KCTD10: variants seen among roughly 807,000 people sequenced by gnomAD.
The protein encoded by KCTD10 is potassium channel tetramerization domain containing 10.
In KCTD10, 13 loss-of-function variants were observed where a neutral mutation model predicts 34.6. The observed-to-expected ratio is 0.38, with a 90% CI of 0.24 to 0.60. The LOEUF (loss-of-function observed/expected upper bound fraction) is 0.60. Among genes scored for constraint, KCTD10 ranks in the 20% least tolerant of loss-of-function variants. The pLI is 0.66. For missense variants in KCTD10, 256 were observed against 420.3 expected (o/e 0.61, Z 3.42); for synonymous variants, 156 against 168.8 (o/e 0.92, Z 0.59).
chr12:109,456,399 G>A, intron 5 of KCTD10, 86 bp from the exon 6 acceptor site: 2 of 1,177,394 alleles, frequency 1.7e-6, no homozygotes, highest in African/African-American at 1.5e-5. Context: ...GGGCCCTACT[G>A]AGCCCACTTT....
Position 109,460,152 on chromosome 12 carries a change from T to C in KCTD10, c.387+484A>G, listed in dbSNP as rs1177639397. 1.3e-5 allele frequency among the ~76,000 whole-genome samples: 2 copies of C among 152,078 alleles called. No homozygotes were observed. The highest frequency in any genetic ancestry group is 2.4e-5 in the African/African-American group (1 of 41,422). ...GATGCTCTGCCACGTTGCAACTTTGTTTGAAATAAAGGGGTGTTGGCCATG... is the reference window on the plus strand; with the variant it reads ...GATGCTCTGCCACGTTGCAACTTTGCTTGAAATAAAGGGGTGTTGGCCATG... On this transcript the variant is annotated intron_variant, in intron 3 of 6. Transcript: ENST00000228495. This position sits in a 1 kb window ranked among gnomAD's most constrained non-coding sequence, Gnocchi z 4.5.
rs71683895 is a variant in KCTD10 at position 109,451,088 on chromosome 12, AAC to A, written c.*505_*506del. 9,945 of 153,276 alleles carry A rather than the reference AAC, an allele frequency of 0.065. 347 individuals are homozygous for A. The highest frequency in any genetic ancestry group is 0.1 in the South Asian group (509 of 4,854). The allele number at this position is 153,276 out of a possible 1,614,324, so 9.5% of individuals were successfully genotyped here. ...AGCAGTGGGGATTGTGCCCGGGCCA[AAC>A]ACACAGGAACCAGGAGTGGACCTGC... On this transcript the variant is annotated 3_prime_UTR_variant, in exon 7 of 7. Transcript: ENST00000228495. This position sits in a 1 kb window ranked among gnomAD's most constrained non-coding sequence, Gnocchi z 5.0.
chr12:109,462,095 C>CATCTTT (rs1186251783), intron 2 of KCTD10, among the ~76,000 whole-genome samples: 1 of 152,364 alleles, frequency 6.6e-6, no homozygotes, highest in East Asian at 1.9e-4. Flanking sequence ...GCAGCAAACG[C>CATCTTT]ATCTTTTTCA....
chr12:109,477,212 T>A (rs1408306260), intron 1 of KCTD10, 48 bp downstream of exon 1: 1 of 1,609,554 alleles, frequency 6.2e-7, no homozygotes, highest in Middle Eastern at 1.6e-4. Context: ...GCTGCCCAGC[T>A]CCCTCGGCCG....
chr12:109,453,361 T>A (rs565961030), intron 6 of KCTD10, among the ~76,000 whole-genome samples: 28 of 152,116 alleles, frequency 1.8e-4, no homozygotes, highest in African/African-American at 3.4e-4. Flanking sequence ...AGCTATTTTT[T>A]AAAAAATTTT....
At chr12:109,458,225 G>A (rs1370831945) in intron 3 of KCTD10, 147 bp from the exon 4 acceptor site, 2 of 625,342 alleles carry the variant, frequency 3.2e-6, no homozygotes, top group East Asian at 2.8e-5. Flanking sequence ...TGAACTAGAT[G>A]GGGGAAGACA....
intron 2 of KCTD10, chr12:109,464,744 G>A (rs1385406085): frequency 2.3e-6 from 1 of 438,390 alleles, no homozygotes; most frequent in Non-Finnish European, 4.6e-6. Flanking sequence ...CAGACATTAG[G>A]AAATACTGAA....
At chr12:109,470,198 C>G (rs1388639982) in intron 1 of KCTD10, 1 of 987,870 alleles carries the variant, frequency 1.0e-6, no homozygotes, top group East Asian at 1.1e-4. Flanking sequence ...TGCCATGTAC[C>G]ACTCAATAGC....
intron 1 of KCTD10, among the ~76,000 whole-genome samples, chr12:109,473,290 G>A (rs1300391412): frequency 1.3e-5 from 2 of 152,098 alleles, no homozygotes; most frequent in East Asian, 1.9e-4. Flanking sequence ...AAATAGTCGC[G>A]AGGTAAAGTG....
At chr12:109,466,677 C>T (rs1198262734) in intron 2 of KCTD10, among the ~76,000 whole-genome samples, 1 of 152,244 alleles carries the variant, frequency 6.6e-6, no homozygotes, top group African/African-American at 2.4e-5. Context: ...TCCCCCCATG[C>T]TGGATGCCAG....
At chr12:109,456,899 C>G (rs1873047149) in intron 5 of KCTD10, 1 of 157,110 alleles carries the variant, frequency 6.4e-6, no homozygotes, top group Non-Finnish European at 1.4e-5. Flanking sequence ...TACCACATGA[C>G]CCAGCAATTC....
At chr12:109,468,766 C>T (rs1236086081) in intron 2 of KCTD10, among the ~76,000 whole-genome samples, 1 of 151,436 alleles carries the variant, frequency 6.6e-6, no homozygotes, top group Non-Finnish European at 1.5e-5. Flanking sequence ...CATTCTCCTG[C>T]CTCAGCCTCC....
intron 1 of KCTD10, among the ~76,000 whole-genome samples, chr12:109,474,332 G>A (rs1874042031): frequency 6.6e-6 from 1 of 152,190 alleles, no homozygotes; most frequent in African/African-American, 2.4e-5. Flanking sequence ...GAATACTTGA[G>A]ATACTGGCTA....
At chr12:109,472,572 C>A (rs777876976) in intron 1 of KCTD10, among the ~76,000 whole-genome samples, 4 of 151,850 alleles carry the variant, frequency 2.6e-5, no homozygotes, top group Non-Finnish European at 5.9e-5. Context: ...AATACATTAA[C>A]CAGTGATATA....
chr12:109,467,414 G>A (rs904324314), intron 2 of KCTD10, among the ~76,000 whole-genome samples: 17 of 152,166 alleles, frequency 1.1e-4, no homozygotes, highest in African/African-American at 3.9e-4. Flanking sequence ...GAGCCCAGGA[G>A]TTCGAGGCCA....
At position 109,450,096 on chromosome 12, in the gene KCTD10, G is replaced by A. The variant is rs1872690099; in HGVS notation, c.*1499C>T. 2 of 395,870 alleles carry A rather than the reference G, an allele frequency of 5.1e-6. No homozygotes were observed. The highest frequency in any genetic ancestry group is 4.4e-6 in the Non-Finnish European group (1 of 224,868). 24.5% of individuals were successfully genotyped at this position (395,870 alleles called of 1,614,324 possible). A position where few individuals can be genotyped will look rare whatever the true frequency, so the allele number is the denominator to read the frequency against. ...AAAAACCGTTTGAAAATATAAACTCGTTTTTGGAATACATGTGTCAAAGGC... is the reference window on the plus strand; with the variant it reads ...AAAAACCGTTTGAAAATATAAACTCATTTTTGGAATACATGTGTCAAAGGC... On this transcript the variant is annotated 3_prime_UTR_variant, in exon 7 of 7. Transcript: ENST00000228495.
intron 2 of KCTD10, among the ~76,000 whole-genome samples, chr12:109,463,577 C>A (rs1199633833): frequency 6.6e-6 from 1 of 152,190 alleles, no homozygotes; most frequent in Non-Finnish European, 1.5e-5. Flanking sequence ...AAAGTCAGGG[C>A]AGCCTGGGAT....
Position 109,449,658 on chromosome 12 carries a change from A to C in KCTD10, c.*1937T>G, listed in dbSNP as rs1872662089. Reference sequence around the variant, plus strand: ...GCAGAATCGCTTGAACCCAGGAGGCACAAGTTGTGGTAAGTGGAGATGGTG... The same window carrying C: ...GCAGAATCGCTTGAACCCAGGAGGCCCAAGTTGTGGTAAGTGGAGATGGTG... On this transcript the variant is annotated 3_prime_UTR_variant, in exon 7 of 7. Coordinates refer to ENST00000228495, the MANE Select transcript of KCTD10 (RefSeq NM_031954.5). 6.6e-6 allele frequency: 1 copy of C among 152,072 alleles called. No homozygotes were observed. The highest frequency in any genetic ancestry group is 1.5e-5 in the Non-Finnish European group (1 of 68,022). The allele number at this position is 152,072 out of a possible 1,614,324, so 9.4% of individuals were successfully genotyped here.
chr12:109,464,812 T>G (rs946631358), intron 2 of KCTD10: 57 of 456,048 alleles, frequency 1.2e-4, no homozygotes, highest in African/African-American at 1.0e-3. Flanking sequence ...GGTTGGACAG[T>G]GCCAAGGGTT....
Sources: allele counts gnomAD v4.1 joint callset (sites outside exome capture counted in the v4.1 genomes callset), GRCh38; gene constraint gnomAD v4.1.1; non-coding constraint Gnocchi (gnomAD v3.1); transcripts MANE v1.5; gene names NCBI Gene and HGNC (gene_info 2026-07-23, HGNC 2026-07-21).